The following SCHIP1 variants were observed in gnomAD, a reference collection of about 807,000 sequenced individuals.
SCHIP1 encodes the protein schwannomin interacting protein 1.
In SCHIP1, 8 loss-of-function variants were observed where a neutral mutation model predicts 29.7. The ratio of observed to expected loss-of-function variants is 0.27; its 90% CI spans 0.16 to 0.49. The LOEUF is 0.49. Ranked by LOEUF, SCHIP1 falls within the 20% of genes least tolerant of loss-of-function variation. The pLI, the probability that SCHIP1 is intolerant of heterozygous loss-of-function variation, is 0.99. For synonymous variants in SCHIP1, 76 were observed against 94.9 expected (o/e 0.80, Z 1.16); for missense variants, 193 against 294.6 (o/e 0.66, Z 2.52).
At chr3:159,315,197 C>CTTTTTT in the SCHIP1 span, among the ~76,000 whole-genome samples, 1 of 91,084 alleles carries the variant, frequency 1.1e-5, no homozygotes, top group South Asian at 3.1e-4. Context: ...TTTAGGACTT[C>CTTTTTT]TTTTTTTTTT....
At chr3:159,612,197 C>T in the SCHIP1 span, among the ~76,000 whole-genome samples, 1 of 151,616 alleles carries the variant, frequency 6.6e-6, no homozygotes, top group Non-Finnish European at 1.5e-5. Context: ...TCATGATGAC[C>T]AAAGCTATAA....
the SCHIP1 span, among the ~76,000 whole-genome samples, chr3:159,421,383 A>G: frequency 1.1e-3 from 166 of 152,314 alleles, 1 homozygote; most frequent in African/African-American, 3.8e-3. Context: ...TGCTTTCATC[A>G]AGAGGAATCC....
the SCHIP1 span, among the ~76,000 whole-genome samples, chr3:159,807,278 G>A: frequency 8.5e-5 from 13 of 152,096 alleles, no homozygotes; most frequent in African/African-American, 3.1e-4. Context: ...TTTGTGCTTC[G>A]GGGAGAAAGT....
At chr3:159,318,501 G>T in the SCHIP1 span, among the ~76,000 whole-genome samples, 2 of 152,214 alleles carry the variant, frequency 1.3e-5, no homozygotes, top group Non-Finnish European at 2.9e-5. Context: ...TGTCCTTCAG[G>T]GATGTCCTGG....
the SCHIP1 span, among the ~76,000 whole-genome samples, chr3:159,545,501 G>A: frequency 1.3e-5 from 2 of 151,478 alleles, no homozygotes; most frequent in Non-Finnish European, 2.9e-5. Flanking sequence ...GGCTCTCTTT[G>A]CTCCTTAGTT....
At chr3:159,324,237 T>TTAC in the SCHIP1 span, among the ~76,000 whole-genome samples, 9 of 127,824 alleles carry the variant, frequency 7.0e-5, no homozygotes, top group African/African-American at 2.3e-4. Flanking sequence ...TGGTATATAC[T>TTAC]TACTACAAAT....
At chr3:159,556,349 A>T in the SCHIP1 span, among the ~76,000 whole-genome samples, 1 of 152,122 alleles carries the variant, frequency 6.6e-6, no homozygotes, top group Admixed American at 6.5e-5. Flanking sequence ...CCATTGTGGA[A>T]GTCAGTGTGG....
the SCHIP1 span, among the ~76,000 whole-genome samples, chr3:159,602,725 GAAACAAAC>G: frequency 6.6e-6 from 1 of 150,542 alleles, no homozygotes; most frequent in African/African-American, 2.5e-5. Context: ...AAAAAAGAAA[GAAACAAAC>G]AAACAAAACA....
At chr3:159,804,031 A>G in the SCHIP1 span, among the ~76,000 whole-genome samples, 1 of 152,174 alleles carries the variant, frequency 6.6e-6, no homozygotes, top group African/African-American at 2.4e-5. Flanking sequence ...ACCTTTGAAA[A>G]ATAGTACAAT....
intron 2 of SCHIP1, among the ~76,000 whole-genome samples, chr3:159,874,538 G>A (rs1715586785): frequency 6.6e-6 from 1 of 152,154 alleles, no homozygotes; most frequent in Non-Finnish European, 1.5e-5. Context: ...TTATCAACTG[G>A]ACCAATAACA....
At chr3:159,839,731 A>G, upstream of SCHIP1, 1 of 313,150 alleles carries the variant, frequency 3.2e-6, no homozygotes, top group Non-Finnish European at 5.2e-6. Flanking sequence ...CAACTGCAAC[A>G]TTGATTTGTG....
At chr3:159,423,958 GTGGACCTC>G in the SCHIP1 span, among the ~76,000 whole-genome samples, 2 of 152,062 alleles carry the variant, frequency 1.3e-5, no homozygotes, top group African/African-American at 4.8e-5. Context: ...AGGGTCTGGA[GTGGACCTC>G]TAGCAAACTC....
chr3:159,334,994 G>T, the SCHIP1 span, among the ~76,000 whole-genome samples: 1 of 151,390 alleles, frequency 6.6e-6, no homozygotes, highest in Non-Finnish European at 1.5e-5. Flanking sequence ...TCTGCCTCTG[G>T]GTTCAGGCAA....
the SCHIP1 span, among the ~76,000 whole-genome samples, chr3:159,329,965 T>G: frequency 2.0e-5 from 3 of 152,168 alleles, no homozygotes. Context: ...CAAGTAGCAT[T>G]TATCTCCTGT....
chr3:159,719,872 C>T, the SCHIP1 span, among the ~76,000 whole-genome samples: 2 of 152,208 alleles, frequency 1.3e-5, no homozygotes, highest in African/African-American at 4.8e-5. Flanking sequence ...ATCCAGCCAT[C>T]CCATTACTGG....
chr3:159,374,273 G>GTGTT, the SCHIP1 span, among the ~76,000 whole-genome samples: 5 of 152,124 alleles, frequency 3.3e-5, no homozygotes, highest in African/African-American at 1.2e-4. Flanking sequence ...GGACTCAGCA[G>GTGTT]TGTTAGTGGA....
At chr3:159,512,258 G>A in the SCHIP1 span, among the ~76,000 whole-genome samples, 4 of 152,178 alleles carry the variant, frequency 2.6e-5, no homozygotes, top group African/African-American at 4.8e-5. Context: ...TGCTAACTTC[G>A]TTCATCGGGG....
At chr3:159,520,678 C>T in the SCHIP1 span, among the ~76,000 whole-genome samples, 20 of 152,290 alleles carry the variant, frequency 1.3e-4, no homozygotes, top group African/African-American at 4.6e-4. Context: ...TGTATTTCCC[C>T]GCATCAAGTG....
the SCHIP1 span, among the ~76,000 whole-genome samples, chr3:159,627,806 G>A: frequency 1.3e-5 from 2 of 152,192 alleles, no homozygotes; most frequent in East Asian, 3.8e-4. Flanking sequence ...GAAATTTATT[G>A]AGGCAATGTC....
Sources: gnomAD v4.1 joint callset for allele counts (sites outside exome capture counted in the v4.1 genomes callset) on GRCh38, gnomAD v4.1.1 for gene constraint, MANE v1.5 for transcripts, NCBI Gene and HGNC (gene_info 2026-07-23, HGNC 2026-07-21) for gene names.